ITIH5: variants seen among roughly 807,000 people sequenced by gnomAD.
The protein encoded by ITIH5 is inter-alpha-trypsin inhibitor heavy chain 5.
ITIH5 carries 65 observed loss-of-function variants against 77.5 expected under a neutral mutation model. That is an observed-to-expected ratio of 0.84 (90% CI 0.69 to 1.03). ITIH5 has a LOEUF of 1.03. Ranked by LOEUF, ITIH5 falls within the 50% of genes least tolerant of loss-of-function variation. ITIH5 has a pLI of 0.00. For missense variants in ITIH5, 1,208 were observed against 1,213.1 expected (o/e 1.00, Z 0.06); for synonymous variants, 525 against 494.3 (o/e 1.06, Z -0.82).
At chr10:7,601,101 T>A (rs1168216971) in intron 7 of ITIH5, among the ~76,000 whole-genome samples, 1 of 152,174 alleles carries the variant, frequency 6.6e-6, no homozygotes, top group Non-Finnish European at 1.5e-5. Context: ...TTGTTATTAA[T>A]TTTAATTTGG....
chr10:7,624,834 C>CATGTATATACACATATATGTGTATATAT (rs1833541209), intron 5 of ITIH5, among the ~76,000 whole-genome samples: 1 of 64,624 alleles, frequency 1.5e-5, no homozygotes. Context: ...TGTGTATATA[C>CATGTATATACACATATATGTGTATATAT]ATGTATATAC....
At chr10:7,577,047 G>C (rs1383593769) in intron 9 of ITIH5, 35 bp from the exon 10 acceptor site, 1 of 1,553,190 alleles carries the variant, frequency 6.4e-7, no homozygotes, top group South Asian at 1.2e-5. Context: ...GGGAGATCAG[G>C]GCCCTGCTCT....
intron 5 of ITIH5, among the ~76,000 whole-genome samples, chr10:7,624,777 C>T (rs1442385460): frequency 3.1e-5 from 1 of 31,968 alleles, no homozygotes; most frequent in Non-Finnish European, 5.6e-5. Context: ...TAGAGTGAGA[C>T]TCTGCCTAAA....
At chr10:7,595,397 T>C (rs1233671346) in intron 7 of ITIH5, among the ~76,000 whole-genome samples, 1 of 152,166 alleles carries the variant, frequency 6.6e-6, no homozygotes, top group Non-Finnish European at 1.5e-5. Flanking sequence ...ATGCAGGCAT[T>C]ACACAAGATT....
At chr10:7,650,769 T>C (rs555558156) in intron 2 of ITIH5, among the ~76,000 whole-genome samples, 3 of 152,108 alleles carry the variant, frequency 2.0e-5, no homozygotes, top group South Asian at 4.2e-4. Flanking sequence ...CATGTTGTTA[T>C]TGAATGAAAC....
intron 13 of ITIH5, among the ~76,000 whole-genome samples, chr10:7,565,665 CATAT>C (rs1314278150): frequency 6.7e-6 from 1 of 148,418 alleles, no homozygotes; most frequent in Non-Finnish European, 1.5e-5. Context: ...CACACACATA[CATAT>C]ACAGACCATA....
chr10:7,645,029 C>T (rs898967059), intron 2 of ITIH5, among the ~76,000 whole-genome samples: 13 of 149,158 alleles, frequency 8.7e-5, no homozygotes, highest in African/African-American at 1.2e-4. Context: ...ATGGTTGGAG[C>T]CAAGCACATG....
At chr10:7,655,562 G>C in intron 2 of ITIH5, 69 bp downstream of exon 2, 1 of 1,287,420 alleles carries the variant, frequency 7.8e-7, no homozygotes, top group Non-Finnish European at 1.1e-6. Flanking sequence ...AAGCAAAGTG[G>C]ATACCTGGTT....
intron 7 of ITIH5, among the ~76,000 whole-genome samples, chr10:7,590,200 G>A (rs1047917677): frequency 2.0e-5 from 3 of 152,102 alleles, no homozygotes; most frequent in Non-Finnish European, 2.9e-5. Flanking sequence ...TCTGTCCCGG[G>A]ACAGAGGACA....
At chr10:7,591,600 T>C (rs1198246932) in intron 7 of ITIH5, among the ~76,000 whole-genome samples, 4 of 152,106 alleles carry the variant, frequency 2.6e-5, no homozygotes, top group Non-Finnish European at 5.9e-5. Context: ...GCACCTGCTG[T>C]TTTTTCCTTG....
chr10:7,585,842 C>CAAA (rs373488153), intron 8 of ITIH5, 59 bp downstream of exon 8: 19 of 1,008,742 alleles, frequency 1.9e-5, no homozygotes, highest in East Asian at 1.4e-4. Context: ...AAAAAAAAAC[C>CAAA]AAAAAAAAAA....
rs1588363750 is a variant in ITIH5, at chr10:7,574,620, C to T, written c.1979-1425G>A. Among the ~76,000 whole-genome samples, 5 of 151,892 alleles carry T rather than the reference C, an allele frequency of 3.3e-5. 1 individual carries two copies. The South Asian group carries it at 1.0e-3, about 32-fold the overall frequency. On this transcript the variant is annotated intron_variant, in intron 10 of 13. Transcript: ENST00000397146. ...CATCCTGGCTAACACGGTGAAACCC[C>T]ATCTCTACTAAAAATACAAAAAATT...
At chr10:7,646,107 C>T (rs964341006) in intron 2 of ITIH5, among the ~76,000 whole-genome samples, 5 of 152,162 alleles carry the variant, frequency 3.3e-5, no homozygotes, top group East Asian at 3.8e-4. Flanking sequence ...AAATGCCCCA[C>T]GGCTGTGATC....
intron 7 of ITIH5, among the ~76,000 whole-genome samples, chr10:7,586,837 TA>T (rs1033249086): frequency 2.3e-5 from 3 of 129,960 alleles, no homozygotes; most frequent in African/African-American, 8.9e-5. Context: ...GCATTCTTCT[TA>T]TTTTTTTTTT....
At chr10:7,634,172 T>C (rs547786086) in intron 5 of ITIH5, among the ~76,000 whole-genome samples, 14 of 150,708 alleles carry the variant, frequency 9.3e-5, no homozygotes, top group South Asian at 2.1e-4. Flanking sequence ...ATTCCAGAAG[T>C]TAGATTTCTT....
At chr10:7,644,955 A>ATATATATAT in intron 2 of ITIH5, among the ~76,000 whole-genome samples, 1 of 66,110 alleles carries the variant, frequency 1.5e-5, no homozygotes, top group African/African-American at 1.1e-4. Flanking sequence ...TATATATCAC[A>ATATATATAT]CATATATATA....
intron 5 of ITIH5, among the ~76,000 whole-genome samples, chr10:7,632,812 G>A (rs980497487): frequency 2.0e-5 from 3 of 152,158 alleles, no homozygotes; most frequent in African/African-American, 4.8e-5. Flanking sequence ...GGATAATAAA[G>A]TAAGTAAGGT....
intron 7 of ITIH5, among the ~76,000 whole-genome samples, chr10:7,595,948 C>A (rs1832885941): frequency 6.6e-6 from 1 of 152,172 alleles, no homozygotes. Flanking sequence ...GCACAGGTTG[C>A]AGTGAGCCGA....
chr10:7,644,104 G>T (rs556404971), intron 2 of ITIH5, among the ~76,000 whole-genome samples: 1 of 152,162 alleles, frequency 6.6e-6, no homozygotes, highest in South Asian at 2.1e-4. Flanking sequence ...TGCGTGTGGT[G>T]GTGCATGACT....
Sources: gnomAD v4.1 joint callset for allele counts (sites outside exome capture counted in the v4.1 genomes callset) on GRCh38, gnomAD v4.1.1 for gene constraint, MANE v1.5 for transcripts, NCBI Gene and HGNC (gene_info 2026-07-23, HGNC 2026-07-21) for gene names.